Variants in RNF8 observed in about 807,000 individuals in gnomAD.
The protein encoded by RNF8 is ring finger protein 8, also known as E3 ubiquitin-protein ligase RNF8.
Under a neutral mutation model 59.3 loss-of-function variants are expected in RNF8, and 8 were observed. That is an observed-to-expected ratio of 0.13 (90% CI 0.08 to 0.24). The LOEUF (loss-of-function observed/expected upper bound fraction) is 0.24, where lower values mean the gene tolerates loss of function less well. Among genes scored for constraint, RNF8 ranks in the 10% least tolerant of loss-of-function variants. RNF8 has a pLI of 1.00. For synonymous variants in RNF8, 162 were observed against 200.0 expected (o/e 0.81, Z 1.60); for missense variants, 406 against 572.6 (o/e 0.71, Z 2.97).
At position 37,393,950 on chromosome 6, in the gene RNF8, GCCTCTC is replaced by G. The variant is rs1417495067; in HGVS notation, c.*3193_*3198del. 6.6e-6 allele frequency: 1 copy of G among 152,234 alleles called. No homozygotes were observed. The highest frequency in any genetic ancestry group is 1.5e-5 in the Non-Finnish European group (1 of 68,108). The allele number at this position is 152,234 out of a possible 1,614,324, so 9.4% of individuals were successfully genotyped here. A position where few individuals can be genotyped will look rare whatever the true frequency, so the allele number is the denominator to read the frequency against. ...TCCAACTGCCTGCTTGCTCTTTACA[GCCTCTC>G]TCTGTGACTGGAATCTCTCCACCTC... On this transcript the variant is annotated 3_prime_UTR_variant, in exon 8 of 8. Coordinates refer to ENST00000373479, the MANE Select transcript of RNF8 (RefSeq NM_003958.4).
chr6:37,367,779 C>A (rs770442917), intron 2 of RNF8, among the ~76,000 whole-genome samples: 1 of 152,168 alleles, frequency 6.6e-6, no homozygotes, highest in Non-Finnish European at 1.5e-5. Context: ...TTATTCATTC[C>A]TCACTGGAAC....
intron 2 of RNF8, among the ~76,000 whole-genome samples, chr6:37,366,386 T>C (rs1170526382): frequency 6.6e-6 from 1 of 152,182 alleles, no homozygotes; most frequent in East Asian, 1.9e-4. Context: ...TCTAGCTCCA[T>C]CCCTCTCTGT....
rs146675416 is a variant in RNF8, at chr6:37,368,523, C to G, written c.280C>G (p.Pro94Ala). The change falls in exon 3 of 8, where the codon CCT (proline) becomes GCT (alanine). Residue 94 changes from proline to alanine, a missense_variant. Physicochemically the swap from Pro to Ala is conservative, Grantham distance 27 (BLOSUM62 -1). This residue lies in a region of RNF8 where 285 missense variants were observed against 342.0 expected (regional missense o/e 0.83). Coordinates refer to ENST00000373479, the MANE Select transcript of RNF8 (RefSeq NM_003958.4). ...GVWLNRARLEPLRVYSIHQGD... is the reference protein window; with the variant it reads ...GVWLNRARLEALRVYSIHQGD... ...TTGGCTGAACAGAGCGCGTCTGGAACCTTTAAGGGTCTATTCCATTCATCA... is the reference window on the plus strand; with the variant it reads ...TTGGCTGAACAGAGCGCGTCTGGAAGCTTTAAGGGTCTATTCCATTCATCA... 6.5e-5 allele frequency: 105 copies of G among 1,613,996 alleles called. No homozygotes were observed. The highest frequency in any genetic ancestry group is 8.4e-5 in the Non-Finnish European group (99 of 1,180,016).
intron 7 of RNF8, among the ~76,000 whole-genome samples, chr6:37,382,860 C>T (rs867826806): frequency 6.6e-6 from 1 of 151,936 alleles, no homozygotes; most frequent in Non-Finnish European, 1.5e-5. Context: ...CACCAGTAGT[C>T]GCAGCTACTC....
intron 7 of RNF8, among the ~76,000 whole-genome samples, chr6:37,383,169 GCA>G (rs1770350676): frequency 1.3e-5 from 2 of 152,182 alleles, no homozygotes; most frequent in East Asian, 3.9e-4. Flanking sequence ...CCTGTTACAT[GCA>G]TTGGCTGGGA....
chr6:37,375,839 C>T (rs1437946900), intron 5 of RNF8, among the ~76,000 whole-genome samples: 1 of 152,170 alleles, frequency 6.6e-6, no homozygotes, highest in Admixed American at 6.5e-5. Flanking sequence ...GCTCTTAATG[C>T]TTTTTGTTTT....
At chr6:37,373,334 T>G (rs1237149232) in intron 4 of RNF8, among the ~76,000 whole-genome samples, 2 of 152,162 alleles carry the variant, frequency 1.3e-5, no homozygotes, top group Non-Finnish European at 2.9e-5. Context: ...CTCAAAAAAC[T>G]TCTCTGAATG....
In RNF8 at chr6:37,360,934, G is replaced by A. The variant is rs1443841469; in HGVS notation, c.240+360G>A. The stretch of plus-strand genomic sequence containing the variant: ...CTGACGCTTCTGGAGTACACTTATG[G>A]CTCAGTGGACAAGGGGAGGAGGGAG... On this transcript the variant is annotated intron_variant, in intron 2 of 7. Coordinates refer to ENST00000373479, the MANE Select transcript of RNF8 (RefSeq NM_003958.4). The surrounding 1 kb of genome is among the most constrained non-coding windows in gnomAD (Gnocchi z 4.2). 6.6e-6 allele frequency among the ~76,000 whole-genome samples: 1 copy of A among 152,122 alleles called. No individual in the cohort carries two copies. The highest frequency in any genetic ancestry group is 1.5e-5 in the Non-Finnish European group (1 of 68,010).
In RNF8 at chr6:37,381,236, G is replaced by C; in HGVS notation, c.1323G>C (p.Arg441=). The C allele has an allele frequency of 1.2e-6, 2 of 1,614,142 alleles. No individual in the cohort carries two copies. Among genetic ancestry groups the C allele is most frequent in the Non-Finnish European group, 1.7e-6 (2 of 1,180,012 alleles). The change falls in exon 7 of 8, where the codon CGG becomes CGC. Residue 441 remains arginine, a synonymous_variant. Transcript: ENST00000373479. ...GGAAGATAGAATGCCCCATTTGTCG[G>C]AAGGACATTAAGTCCAAAACGTACT... ...MKRKIECPIC[R]KDIKSKTYSL...
At chr6:37,389,092 G>A (rs1056137794) in intron 7 of RNF8, among the ~76,000 whole-genome samples, 8 of 152,012 alleles carry the variant, frequency 5.3e-5, no homozygotes, top group East Asian at 1.9e-4. Context: ...CTAGATTTCC[G>A]AACTCCTTGA....
chr6:37,389,895 A>G (rs372488200), intron 7 of RNF8, among the ~76,000 whole-genome samples: 1 of 152,356 alleles, frequency 6.6e-6, no homozygotes, highest in East Asian at 1.9e-4. Flanking sequence ...CAGAAGTGGG[A>G]GACGAATAAC....
intron 1 of RNF8, among the ~76,000 whole-genome samples, chr6:37,356,414 T>C (rs969507719): frequency 3.3e-5 from 5 of 152,206 alleles, no homozygotes; most frequent in Non-Finnish European, 7.3e-5. Context: ...CAAAGGTAGG[T>C]CAGTTCCCTG....
At chr6:37,357,615 A>G (rs996617509) in intron 1 of RNF8, among the ~76,000 whole-genome samples, 2 of 152,240 alleles carry the variant, frequency 1.3e-5, no homozygotes, top group African/African-American at 2.4e-5. Flanking sequence ...AGGAACTTCT[A>G]TAATTAATAT....
At chr6:37,379,854 A>G (rs149673971) in intron 6 of RNF8, among the ~76,000 whole-genome samples, 1 of 152,230 alleles carries the variant, frequency 6.6e-6, no homozygotes, top group Non-Finnish European at 1.5e-5. Context: ...TTTTTAAAAA[A>G]TTTGTTTTAT....
intron 7 of RNF8, among the ~76,000 whole-genome samples, chr6:37,383,244 T>G (rs1055279135): frequency 2.0e-5 from 3 of 152,216 alleles, no homozygotes; most frequent in Non-Finnish European, 4.4e-5. Flanking sequence ...TGAAGTTTTC[T>G]CTAGAGACAG....
intron 7 of RNF8, among the ~76,000 whole-genome samples, chr6:37,386,264 G>A (rs1770491887): frequency 6.7e-6 from 1 of 148,714 alleles, no homozygotes; most frequent in Admixed American, 6.6e-5. Context: ...TGGACTGTAT[G>A]GAGTAGCAAC....
chr6:37,394,329 G>C lies in RNF8; in HGVS notation c.*3571G>C, dbSNP rs1467712584. The C allele has an allele frequency of 6.6e-6, 1 of 152,214 alleles. No individual in the cohort carries two copies. The highest frequency in any genetic ancestry group is 1.5e-5 in the Non-Finnish European group (1 of 68,036). The allele number at this position is 152,214 out of a possible 1,614,324, so 9.4% of individuals were successfully genotyped here. A position where few individuals can be genotyped will look rare whatever the true frequency, so the allele number is the denominator to read the frequency against. On this transcript the variant is annotated 3_prime_UTR_variant, in exon 8 of 8. Coordinates refer to ENST00000373479, the MANE Select transcript of RNF8 (RefSeq NM_003958.4). ...CTTTTTCAGCTTCTCCAACAAATGGGAGTTGAGGCAGTAGGAGTGTGGGGT... is the reference window on the plus strand; with the variant it reads ...CTTTTTCAGCTTCTCCAACAAATGGCAGTTGAGGCAGTAGGAGTGTGGGGT...
rs560402592 is a variant in RNF8, at chr6:37,363,802, A to G, written c.240+3228A>G. ...CAACAGTAGAATGGATAAATTGTGG[A>G]ATAATCTTATATTGAAACACTATAC... On this transcript the variant is annotated intron_variant, in intron 2 of 7. Coordinates refer to ENST00000373479, the MANE Select transcript of RNF8 (RefSeq NM_003958.4). Among the ~76,000 whole-genome samples the G allele has an allele frequency of 3.3e-5, 5 of 152,370 alleles. No individual in the cohort carries two copies. The East Asian group carries it at 9.6e-4, about 29-fold the overall frequency.
chr6:37,392,599 A>G lies in RNF8; in HGVS notation c.*1841A>G, dbSNP rs1442636850. On this transcript the variant is annotated 3_prime_UTR_variant, in exon 8 of 8. Coordinates refer to ENST00000373479, the MANE Select transcript of RNF8 (RefSeq NM_003958.4). Reference sequence around the variant, plus strand: ...CGCTATTCTGAACCTTGCTTTTTTCAGATATATGTTGGCAACAGTTCCATG... The same window carrying G: ...CGCTATTCTGAACCTTGCTTTTTTCGGATATATGTTGGCAACAGTTCCATG... The G allele has an allele frequency of 1.3e-5, 5 of 398,426 alleles. No homozygotes were observed. The highest frequency in any genetic ancestry group is 2.2e-5 in the Non-Finnish European group (5 of 226,040). 24.7% of individuals were successfully genotyped at this position (398,426 alleles called of 1,614,324 possible). A position where few individuals can be genotyped will look rare whatever the true frequency, so the allele number is the denominator to read the frequency against.
Sources: allele counts gnomAD v4.1 joint callset (sites outside exome capture counted in the v4.1 genomes callset), GRCh38; gene constraint gnomAD v4.1.1; regional missense constraint gnomAD v4.1.1; non-coding constraint Gnocchi (gnomAD v3.1); transcripts MANE v1.5; gene names NCBI Gene and HGNC (gene_info 2026-07-23, HGNC 2026-07-21).